Variants in KNTC1 observed in about 807,000 individuals in gnomAD.
KNTC1 encodes the protein kinetochore-associated protein 1.
A neutral mutation model predicts 314.4 loss-of-function variants in KNTC1; 253 were observed. The observed-to-expected ratio is 0.80, with a 90% CI of 0.73 to 0.89. The LOEUF (loss-of-function observed/expected upper bound fraction) is 0.89, where lower values mean the gene tolerates loss of function less well. Ranked by LOEUF, KNTC1 falls within the 40% of genes least tolerant of loss-of-function variation. KNTC1 has a pLI of 0.00. For missense variants in KNTC1, 2,475 were observed against 2,572.9 expected (o/e 0.96, Z 0.82); for synonymous variants, 901 against 901.4 (o/e 1.00, Z 0.01).
intron 59 of KNTC1, among the ~76,000 whole-genome samples, chr12:122,619,019 A>C (rs1408517382): frequency 6.6e-6 from 1 of 150,442 alleles, no homozygotes; most frequent in Non-Finnish European, 1.5e-5. Flanking sequence ...TGCGCCCAGC[A>C]ACACTTGTTT....
intron 57 of KNTC1, among the ~76,000 whole-genome samples, chr12:122,616,796 A>C (rs1002760583): frequency 1.3e-5 from 2 of 152,194 alleles, no homozygotes; most frequent in Non-Finnish European, 2.9e-5. Context: ...AGTTTTTGGT[A>C]TATGCACAGA....
In KNTC1 at chr12:122,571,079, A is replaced by G. The variant is rs1226188872; in HGVS notation, c.1972A>G (p.Lys658Glu). ...GGCAGAGATATTTTTTACAGCAGAA[A>G]AAACAGACGAGTTGGGATTGGCATC... is the stretch of plus-strand genomic sequence containing the variant. The part of the protein sequence containing the change: ...QLAEIFFTAE[K>E]TDELGLASSW... Residue 658 changes from lysine to glutamate, a missense_variant, in exon 24 of 64, where the codon AAA (lysine) becomes GAA (glutamate). Lys to Glu is a moderately conservative substitution (Grantham distance 56). Transcript: ENST00000333479. The G allele has an allele frequency of 6.8e-6, 11 of 1,613,834 alleles. No homozygotes were observed. Among genetic ancestry groups the G allele is most frequent in the Non-Finnish European group, 8.5e-6 (10 of 1,179,778 alleles).
Position 122,549,820 on chromosome 12 carries a change from G to A in KNTC1, c.1042G>A (p.Glu348Lys), listed in dbSNP as rs1593515366. The change falls in exon 13 of 64, where the codon GAA (glutamate) becomes AAA (lysine). Residue 348 changes from glutamate to lysine, a missense_variant. Glu to Lys is a moderately conservative substitution (Grantham distance 56). Transcript: ENST00000333479. Reference protein sequence around the residue: ...LPTMEILYSLEVSSVSSLVQT... With the variant: ...LPTMEILYSLKVSSVSSLVQT... ...TACAATGGAAATACTATATTCTTTG[G>A]AAGTATCTAGTGTTTCTTCTCTGGT... The A allele has an allele frequency of 3.2e-6, 5 of 1,572,234 alleles. No individual in the cohort carries two copies. Among genetic ancestry groups the A allele is most frequent in the Non-Finnish European group, 4.3e-6 (5 of 1,151,302 alleles).
At chr12:122,547,238 G>T (rs1421525423) in intron 10 of KNTC1, among the ~76,000 whole-genome samples, 177 bp from the exon 11 acceptor site, 1 of 151,940 alleles carries the variant, frequency 6.6e-6, no homozygotes, top group Non-Finnish European at 1.5e-5. Flanking sequence ...AGCTGGGCGT[G>T]GTGGTGGGCG....
intron 54 of KNTC1, 184 bp downstream of exon 54, chr12:122,613,414 A>G: frequency 3.0e-6 from 2 of 658,810 alleles, no homozygotes; most frequent in Admixed American, 3.2e-5. Flanking sequence ...TCTTGTTTCC[A>G]TCGTTTCTTG....
chr12:122,547,793 G>A (rs1962901068), intron 11 of KNTC1, 122 bp from the exon 12 acceptor site: 1 of 618,462 alleles, frequency 1.6e-6, no homozygotes, highest in Non-Finnish European at 2.7e-6. Context: ...TTATGGAAGA[G>A]TGTTACTTTA....
chr12:122,556,583 C>T (rs1963615224), intron 16 of KNTC1, among the ~76,000 whole-genome samples: 1 of 151,096 alleles, frequency 6.6e-6, no homozygotes. Context: ...AAGGATTCTC[C>T]TGCCTCAGCC....
rs768939060 is a variant in KNTC1 at position 122,610,850 on chromosome 12, A to G, written c.5572A>G (p.Ile1858Val). 4 of 1,613,466 alleles carry G rather than the reference A, an allele frequency of 2.5e-6. No homozygotes were observed. Among genetic ancestry groups the G allele is most frequent in the South Asian group, 1.1e-5 (1 of 91,074 alleles). ...GCAGTATCTCCTCCTGTCTCGTCCA[A>G]TTGATTATAGTTCAAGAATGCTGTT... ...RVQYLLLSRP[I>V]DYSSRMLFVF... is the part of the protein sequence containing the mutation. The change falls in exon 53 of 64, where the codon ATT (isoleucine) becomes GTT (valine). Residue 1858 changes from isoleucine (I) to valine (V), a missense_variant. Transcript: ENST00000333479.
chr12:122,597,612 T>C (rs1472860328), intron 43 of KNTC1, 119 bp from the exon 44 acceptor site: 2 of 800,014 alleles, frequency 2.5e-6, no homozygotes, highest in African/African-American at 3.4e-5. Context: ...ATTTTGAGAC[T>C]GGACAATGAC....
intron 2 of KNTC1, among the ~76,000 whole-genome samples, chr12:122,533,656 C>T (rs1252320478): frequency 3.3e-5 from 5 of 152,016 alleles, no homozygotes. Context: ...ATGATGGCAT[C>T]ACTGCATTCC....
At chr12:122,571,598 A>G (rs566321715) in intron 24 of KNTC1, among the ~76,000 whole-genome samples, 14 of 152,144 alleles carry the variant, frequency 9.2e-5, no homozygotes, top group African/African-American at 3.1e-4. Context: ...GACCCAAGTG[A>G]TCTACCCACC....
chr12:122,584,160 G>C (rs1046159302), intron 34 of KNTC1, 118 bp from the exon 35 acceptor site: 15 of 762,066 alleles, frequency 2.0e-5, no homozygotes, highest in Non-Finnish European at 3.3e-5. Flanking sequence ...TATACCATGA[G>C]AACATTTAAA....
chr12:122,557,713 GT>G, intron 18 of KNTC1, 24 bp downstream of exon 18: 2 of 1,550,878 alleles, frequency 1.3e-6, no homozygotes, highest in South Asian at 1.1e-5. Context: ...TTTGTATTTT[GT>G]TTTTTTGGGG....
chr12:122,607,786 T>C (rs1284610604), intron 51 of KNTC1, among the ~76,000 whole-genome samples: 1 of 152,192 alleles, frequency 6.6e-6, no homozygotes, highest in East Asian at 1.9e-4. Context: ...CACAGGCCAG[T>C]TGGTTTATAA....
intron 6 of KNTC1, among the ~76,000 whole-genome samples, chr12:122,543,243 A>G (rs1422681860): frequency 6.6e-6 from 1 of 152,192 alleles, no homozygotes; most frequent in East Asian, 1.9e-4. Context: ...CTGACTTGCC[A>G]GGCCTGTGCT....
intron 43 of KNTC1, among the ~76,000 whole-genome samples, chr12:122,594,861 T>C (rs139515103): frequency 2.0e-5 from 3 of 152,352 alleles, no homozygotes; most frequent in East Asian, 1.9e-4. Context: ...AAAATGTTTA[T>C]AAAAGAATTT....
At chr12:122,600,114 T>A (rs1289648021) in intron 44 of KNTC1, among the ~76,000 whole-genome samples, 1 of 152,188 alleles carries the variant, frequency 6.6e-6, no homozygotes, top group Non-Finnish European at 1.5e-5. Flanking sequence ...GTTGTTGTTG[T>A]TTTGAGATGA....
At position 122,584,283 on chromosome 12, in the gene KNTC1, T is replaced by TA; in HGVS notation, c.3269_3270insA (p.Phe1091ValfsTer2). On this transcript the variant is annotated frameshift_variant, in exon 35 of 64. Transcript: ENST00000333479. LOFTEE classifies it high-confidence loss of function. ...ATACTTTCTTTCTTCCAAAGCGACTTGTTTAAGTATCACTGCAATGCTGAC... is the reference window on the plus strand; with the variant it reads ...ATACTTTCTTTCTTCCAAAGCGACTTAGTTTAAGTATCACTGCAATGCTGAC... 1 of 1,604,538 alleles carries TA rather than the reference T, an allele frequency of 6.2e-7. No homozygotes were observed. The highest frequency in any genetic ancestry group is 1.7e-5 in the Admixed American group (1 of 58,690).
At chr12:122,596,079 C>CTTTTTTTT (rs1200717202) in intron 43 of KNTC1, among the ~76,000 whole-genome samples, 2 of 111,420 alleles carry the variant, frequency 1.8e-5, no homozygotes, top group African/African-American at 3.5e-5. Flanking sequence ...TAACCAGATT[C>CTTTTTTTT]TTTTTTTTTT....
Sources: allele counts gnomAD v4.1 joint callset (sites outside exome capture counted in the v4.1 genomes callset), GRCh38; gene constraint gnomAD v4.1.1; transcripts MANE v1.5; gene names NCBI Gene and HGNC (gene_info 2026-07-23, HGNC 2026-07-21).